The following TRPM3 variants were observed in gnomAD, a reference collection of about 807,000 sequenced individuals.
The protein encoded by TRPM3 is long transient receptor potential channel 3.
In TRPM3, 77 loss-of-function variants were observed where a neutral mutation model predicts 181.2. That is an observed-to-expected ratio of 0.42 (90% CI 0.35 to 0.51). The LOEUF (loss-of-function observed/expected upper bound fraction) is 0.51. Ranked by LOEUF, TRPM3 falls within the 20% of genes least tolerant of loss-of-function variation. The pLI is 0.01. For synonymous variants in TRPM3, 745 were observed against 796.4 expected (o/e 0.94, Z 1.09); for missense variants, 1,759 against 2,196.7 (o/e 0.80, Z 3.98).
intron 1 of TRPM3, among the ~76,000 whole-genome samples, chr9:71,253,004 G>A (rs2082446302): frequency 6.6e-6 from 1 of 151,924 alleles, no homozygotes; most frequent in Admixed American, 6.6e-5. Flanking sequence ...CTTTCATTAT[G>A]GAACTTGGCT....
At chr9:71,004,439 G>T (rs563125330) in intron 1 of TRPM3, among the ~76,000 whole-genome samples, 1 of 152,232 alleles carries the variant, frequency 6.6e-6, no homozygotes, top group Non-Finnish European at 1.5e-5. Context: ...GGAAGCAACC[G>T]CAGAATGGCG....
At chr9:70,881,489 C>T (rs2095992263) in intron 1 of TRPM3, among the ~76,000 whole-genome samples, 1 of 152,156 alleles carries the variant, frequency 6.6e-6, no homozygotes. Flanking sequence ...AGGTACCAGG[C>T]AGGCTGATTA....
At chr9:70,852,523 C>T (rs1383172582) in intron 3 of TRPM3, among the ~76,000 whole-genome samples, 3 of 152,060 alleles carry the variant, frequency 2.0e-5, no homozygotes, top group Non-Finnish European at 2.9e-5. Flanking sequence ...TGCTGTCAAC[C>T]AGTTCCTTTT....
chr9:71,356,073 T>A (rs1220750191), intron 1 of TRPM3, among the ~76,000 whole-genome samples: 1 of 152,142 alleles, frequency 6.6e-6, no homozygotes, highest in African/African-American at 2.4e-5. Flanking sequence ...CTTCAGGCAA[T>A]AACCAGCAGG....
At chr9:70,745,237 G>A (rs1445843772) in intron 8 of TRPM3, among the ~76,000 whole-genome samples, 1 of 152,036 alleles carries the variant, frequency 6.6e-6, no homozygotes, top group Non-Finnish European at 1.5e-5. Context: ...ACATACGGAG[G>A]TTAAATAACT....
Position 70,620,180 on chromosome 9 carries a change from C to T in TRPM3, c.2025G>A (p.Met675Ile), listed in dbSNP as rs1564588110. Residue 675 changes from methionine to isoleucine, a missense_variant, in exon 16 of 26, where the codon ATG becomes ATA. By Grantham distance (10) the Met-to-Ile change is conservative. Around this residue, in one of 8 missense-constraint regions of TRPM3, gnomAD observed 737 missense variants for 957.4 expected, o/e 0.77. Transcript: ENST00000677713. ...LFFWQHGEEAMAKALVACKLC... is the reference protein window; with the variant it reads ...LFFWQHGEEAIAKALVACKLC... ...GCTTGCAGGCCACCAGGGCCTTGGC[C>T]ATGGCCTCCTCACCGTGCTGCCAGA... 1 of 1,614,234 alleles carries T rather than the reference C, an allele frequency of 6.2e-7. No homozygotes were observed. Among genetic ancestry groups the T allele is most frequent in the East Asian group, 2.2e-5 (1 of 44,872 alleles).
upstream of TRPM3, among the ~76,000 whole-genome samples, chr9:71,124,954 A>T (rs1443922656): frequency 6.6e-6 from 1 of 152,214 alleles, no homozygotes; most frequent in South Asian, 2.1e-4. Flanking sequence ...TTACAACATT[A>T]AAATTCATAG....
At chr9:70,756,958 C>T (rs11999922) in intron 8 of TRPM3, among the ~76,000 whole-genome samples, 1 of 151,944 alleles carries the variant, frequency 6.6e-6, no homozygotes, top group Admixed American at 6.6e-5. Flanking sequence ...AATTCAAAAG[C>T]TAGCAGAAGA....
rs35974302 is a variant in TRPM3, at chr9:70,698,207, CA to C, written c.1273-16630del. On this transcript the variant is annotated intron_variant, in intron 8 of 25. Transcript: ENST00000677713. ...TGGGTGACAGAGCGAGACTCTGTCT[CA>C]AAAAAAAAAAAAAAAGAATTTTTCT... Among the ~76,000 whole-genome samples, 396 of 117,274 alleles carry C rather than the reference CA, an allele frequency of 3.4e-3. 1 individual carries two copies. Among genetic ancestry groups the C allele is most frequent in the Middle Eastern group, 0.013 (3 of 234 alleles). The allele number at this position is 117,274 out of a possible 152,430, so 76.9% of individuals were successfully genotyped here. A position where few individuals can be genotyped will look rare whatever the true frequency, so the allele number is the denominator to read the frequency against.
intron 1 of TRPM3, among the ~76,000 whole-genome samples, chr9:71,034,401 T>TG (rs1452861740): frequency 6.6e-6 from 1 of 152,076 alleles, no homozygotes; most frequent in Non-Finnish European, 1.5e-5. Flanking sequence ...GACTGAAACA[T>TG]GGGAAAAAAG....
chr9:70,569,469 C>T lies in TRPM3; in HGVS notation c.3224-16159G>A, dbSNP rs1001674217. Among the ~76,000 whole-genome samples, 27 of 152,252 alleles carry T rather than the reference C, an allele frequency of 1.8e-4. 1 individual carries two copies. Among genetic ancestry groups the T allele is most frequent in the Admixed American group, 1.4e-3 (22 of 15,290 alleles). On this transcript the variant is annotated intron_variant, in intron 22 of 25. Transcript: ENST00000677713. ...TCATGAAGAATAGCCTATTATTTCA[C>T]GTGACTAGGTGATTGAAGGAACTAG...
At chr9:70,858,260 A>G (rs2095436941) in intron 3 of TRPM3, among the ~76,000 whole-genome samples, 1 of 152,186 alleles carries the variant, frequency 6.6e-6, no homozygotes, top group African/African-American at 2.4e-5. Flanking sequence ...ATATTAAATC[A>G]GTTGGCCAAT....
At chr9:71,196,305 T>C (rs1306856215) in intron 1 of TRPM3, among the ~76,000 whole-genome samples, 1 of 151,066 alleles carries the variant, frequency 6.6e-6, no homozygotes, top group Non-Finnish European at 1.5e-5. Flanking sequence ...ATTGAAGTTA[T>C]GGCCAAAAAA....
chr9:71,421,123 A>G (rs1247307551), intron 1 of TRPM3, among the ~76,000 whole-genome samples: 3 of 151,860 alleles, frequency 2.0e-5, no homozygotes, highest in African/African-American at 2.4e-5. Context: ...AGAAAACCAA[A>G]TATCACATGT....
chr9:71,444,610 C>T (rs1306412767), intron 1 of TRPM3, among the ~76,000 whole-genome samples: 1 of 151,830 alleles, frequency 6.6e-6, no homozygotes, highest in African/African-American at 2.4e-5. Flanking sequence ...TTTTTAACAG[C>T]TCACTTTAAG....
intron 9 of TRPM3, among the ~76,000 whole-genome samples, chr9:70,663,243 G>C (rs1226302310): frequency 1.3e-5 from 2 of 152,110 alleles, no homozygotes; most frequent in Non-Finnish European, 2.9e-5. Flanking sequence ...CAGAGAGGAA[G>C]GTTGGGAGTG....
Position 71,374,179 on chromosome 9 carries a change from C to T in TRPM3, c.183+72474G>A, listed in dbSNP as rs1588717219. ...TCACCTGAGGTCAGGAGTTCGAGACCAGCCTGGCCCATGGTGAAACCCCAT... is the reference window on the plus strand; with the variant it reads ...TCACCTGAGGTCAGGAGTTCGAGACTAGCCTGGCCCATGGTGAAACCCCAT... On this transcript the variant is annotated intron_variant, in intron 1 of 24. Coordinates refer to the TRPM3 transcript ENST00000357533. Among the ~76,000 whole-genome samples the T allele has an allele frequency of 2.0e-5, 3 of 152,024 alleles. No homozygotes were observed. In the South Asian group the frequency reaches 6.2e-4, roughly 32 times the overall value.
chr9:70,867,944 C>A (rs1027637744), intron 1 of TRPM3, among the ~76,000 whole-genome samples: 24 of 152,094 alleles, frequency 1.6e-4, no homozygotes, highest in African/African-American at 5.3e-4. Context: ...CTTCAACATC[C>A]AACTCAGTTA....
chr9:70,617,587 A>C (rs7468156), intron 17 of TRPM3, among the ~76,000 whole-genome samples: 1 of 152,204 alleles, frequency 6.6e-6, no homozygotes, highest in African/African-American at 2.4e-5. Context: ...GTGCTCTTAC[A>C]CACACAGGGA....
Sources: allele counts gnomAD v4.1 joint callset (sites outside exome capture counted in the v4.1 genomes callset), GRCh38; gene constraint gnomAD v4.1.1; regional missense constraint gnomAD v4.1.1; transcripts MANE v1.5; gene names NCBI Gene and HGNC (gene_info 2026-07-23, HGNC 2026-07-21).